Variants in CDH13 observed in about 807,000 individuals in gnomAD.
The protein encoded by CDH13 is cadherin-13.
A neutral mutation model predicts 63.8 loss-of-function variants in CDH13; 24 were observed. The ratio of observed to expected loss-of-function variants is 0.38; its 90% CI spans 0.27 to 0.53. The LOEUF (loss-of-function observed/expected upper bound fraction) is 0.53. Among genes scored for constraint, CDH13 ranks in the 20% least tolerant of loss-of-function variants. The pLI, the probability that CDH13 is intolerant of heterozygous loss-of-function variation, is 0.85. For missense variants in CDH13, 1,049 were observed against 903.1 expected (o/e 1.16, Z -2.07); for synonymous variants, 503 against 355.3 (o/e 1.42, Z -4.67).
chr16:83,455,935 A>G (rs986830452), intron 6 of CDH13, among the ~76,000 whole-genome samples: 1 of 152,222 alleles, frequency 6.6e-6, no homozygotes, highest in Non-Finnish European at 1.5e-5. Flanking sequence ...TTTCATCAAC[A>G]GTGTGGAATA....
At chr16:82,868,281 A>G (rs2040222103) in intron 2 of CDH13, among the ~76,000 whole-genome samples, 2 of 152,164 alleles carry the variant, frequency 1.3e-5, no homozygotes, top group South Asian at 4.1e-4. Context: ...AGTTTTTCCT[A>G]TATTTAAACA....
intron 5 of CDH13, among the ~76,000 whole-genome samples, chr16:83,238,720 C>G (rs190801288): frequency 2.1e-5 from 3 of 139,838 alleles, no homozygotes; most frequent in Non-Finnish European, 4.7e-5. Flanking sequence ...AACATTTAAC[C>G]AGTACCTCCA....
intron 2 of CDH13, among the ~76,000 whole-genome samples, chr16:82,982,784 T>C (rs1316476016): frequency 6.6e-6 from 1 of 152,210 alleles, no homozygotes; most frequent in East Asian, 1.9e-4. Context: ...CCTGATGAGC[T>C]TCCTTCTACA....
chr16:82,974,770 A>G (rs1197728675), intron 2 of CDH13, among the ~76,000 whole-genome samples: 3 of 152,346 alleles, frequency 2.0e-5, no homozygotes, highest in South Asian at 2.1e-4. Flanking sequence ...GAAAGTGGGC[A>G]GCATGTAGAA....
At chr16:83,239,972 A>G (rs1022774250) in intron 5 of CDH13, among the ~76,000 whole-genome samples, 4 of 152,120 alleles carry the variant, frequency 2.6e-5, no homozygotes, top group Non-Finnish European at 5.9e-5. Context: ...GATGAAAGAG[A>G]AGGTCATGAG....
At chr16:83,396,134 T>C (rs1371402388) in intron 6 of CDH13, among the ~76,000 whole-genome samples, 3 of 152,216 alleles carry the variant, frequency 2.0e-5, no homozygotes, top group Non-Finnish European at 4.4e-5. Flanking sequence ...TTATTCCTTT[T>C]TATGGCTGCA....
chr16:83,174,366 G>C (rs2038040586), intron 4 of CDH13, among the ~76,000 whole-genome samples: 1 of 151,886 alleles, frequency 6.6e-6, no homozygotes, highest in Non-Finnish European at 1.5e-5. Flanking sequence ...CTTTTTAAGA[G>C]ATTAATTTGT....
chr16:82,756,734 G>A lies in CDH13; in HGVS notation c.46-101628G>A, dbSNP rs185992370. On this transcript the variant is annotated intron_variant, in intron 1 of 13. Coordinates refer to ENST00000567109, the MANE Select transcript of CDH13 (RefSeq NM_001257.5). ...GGAAACAGAGAATTAGGAGGACCAA[G>A]CTGAATATAAGCAGTACCTGAGAGC... is the stretch of plus-strand genomic sequence containing the variant. 2.2e-4 allele frequency among the ~76,000 whole-genome samples: 34 copies of A among 152,260 alleles called. No homozygotes were observed. The East Asian group carries it at 6.6e-3, about 29-fold the overall frequency.
intron 2 of CDH13, among the ~76,000 whole-genome samples, chr16:82,881,181 C>T (rs1427454694): frequency 2.6e-5 from 4 of 152,076 alleles, no homozygotes; most frequent in African/African-American, 9.7e-5. Flanking sequence ...AATCTTTGTG[C>T]ATGTGCTTGG....
chr16:83,174,401 T>C (rs1305881892), intron 4 of CDH13, among the ~76,000 whole-genome samples: 1 of 152,132 alleles, frequency 6.6e-6, no homozygotes, highest in African/African-American at 2.4e-5. Flanking sequence ...CAAGTTATCT[T>C]GACCAATGTT....
chr16:83,039,850 C>A (rs1184040737), intron 3 of CDH13, among the ~76,000 whole-genome samples: 3 of 152,132 alleles, frequency 2.0e-5, no homozygotes, highest in Non-Finnish European at 2.9e-5. Context: ...GTTCCTTCCA[C>A]TGAGGTTCCA....
At chr16:83,396,425 C>A (rs1276727345) in intron 6 of CDH13, among the ~76,000 whole-genome samples, 1 of 152,176 alleles carries the variant, frequency 6.6e-6, no homozygotes, top group East Asian at 1.9e-4. Flanking sequence ...CCTCTCACTT[C>A]CAGGAGATTT....
chr16:83,236,716 A>G (rs570601730), intron 5 of CDH13, among the ~76,000 whole-genome samples: 7 of 152,230 alleles, frequency 4.6e-5, no homozygotes, highest in African/African-American at 1.4e-4. Context: ...ATGAATGGAT[A>G]AACAAATTGT....
intron 2 of CDH13, among the ~76,000 whole-genome samples, chr16:82,962,619 C>G (rs1232211155): frequency 6.6e-6 from 1 of 152,132 alleles, no homozygotes; most frequent in East Asian, 1.9e-4. Context: ...GAGAATCTGA[C>G]AAAGATGCGG....
chr16:83,176,512 G>GAAAAAAAAAAAAAAAAAAAAAAAAA (rs869250059), intron 4 of CDH13, among the ~76,000 whole-genome samples: 1 of 71,784 alleles, frequency 1.4e-5, no homozygotes. Context: ...TCCAGCTAGA[G>GAAAAAAAAAAAAAAAAAAAAAAAAA]AAAAAAAAAA....
At chr16:83,526,564 A>G (rs897054630) in intron 7 of CDH13, among the ~76,000 whole-genome samples, 1 of 152,204 alleles carries the variant, frequency 6.6e-6, no homozygotes, top group African/African-American at 2.4e-5. Context: ...TCAGATGGTA[A>G]TGCTCGCTTG....
At chr16:83,503,782 C>T (rs1447480917) in intron 7 of CDH13, among the ~76,000 whole-genome samples, 1 of 151,816 alleles carries the variant, frequency 6.6e-6, no homozygotes, top group African/African-American at 2.4e-5. Flanking sequence ...CTTGTAAATT[C>T]TAGATATAAG....
intron 2 of CDH13, among the ~76,000 whole-genome samples, chr16:82,923,340 A>G (rs2151283937): frequency 6.6e-6 from 1 of 152,358 alleles, no homozygotes; most frequent in South Asian, 2.1e-4. Context: ...TATGCTCAGA[A>G]CTACATTTGG....
intron 3 of CDH13, among the ~76,000 whole-genome samples, chr16:83,118,803 C>T (rs1254658636): frequency 2.0e-5 from 3 of 152,068 alleles, no homozygotes; most frequent in Non-Finnish European, 4.4e-5. Flanking sequence ...AGTATTGGGC[C>T]TCTTCTCTGA....
Sources: gnomAD v4.1 joint callset for allele counts (sites outside exome capture counted in the v4.1 genomes callset) on GRCh38, gnomAD v4.1.1 for gene constraint, MANE v1.5 for transcripts, NCBI Gene and HGNC (gene_info 2026-07-23, HGNC 2026-07-21) for gene names.